ADPRHL1: variants seen among roughly 807,000 people sequenced by gnomAD.
ADPRHL1 encodes ADP-ribosylhydrolase like 1, also known as inactive ADP-ribosyltransferase ARH2.
ADPRHL1 carries 43 observed loss-of-function variants against 44.1 expected under a neutral mutation model. The observed-to-expected ratio is 0.98, with a 90% CI of 0.76 to 1.26. ADPRHL1 has a LOEUF of 1.26. Among genes scored for constraint, ADPRHL1 ranks in the 50% most tolerant of loss-of-function variants. The pLI, the probability that ADPRHL1 is intolerant of heterozygous loss-of-function variation, is 0.00. For synonymous variants in ADPRHL1, 878 were observed against 1,017.4 expected, an observed-to-expected ratio of 0.86 and a Z score of 2.61; for missense variants, 2,022 against 2,496.9, an observed-to-expected ratio of 0.81 and a Z score of 4.05.
chr13:113,440,946 A>G (rs1003934430), intron 2 of ADPRHL1, among the ~76,000 whole-genome samples: 3 of 152,008 alleles, frequency 2.0e-5, no homozygotes, highest in Admixed American at 2.0e-4. Flanking sequence ...TGAGGCCAGG[A>G]GTTTGAGGCC....
Position 113,406,163 on chromosome 13 carries a change from G to A in ADPRHL1, c.3119C>T (p.Thr1040Met), listed in dbSNP as rs886132142. ...CCCCTTGGATGATGCCGCCAGTGACGTGGGGGCTCCTGTTGGGTTTCTCCC... is the reference window on the plus strand; with the variant it reads ...CCCCTTGGATGATGCCGCCAGTGACATGGGGGCTCCTGTTGGGTTTCTCCC... ...PTGRNPTGAPTSLAASSKGRT... is the reference protein window; with the variant it reads ...PTGRNPTGAPMSLAASSKGRT... Residue 1040 changes from threonine (T) to methionine (M), a missense_variant, in exon 8 of 8, where the codon ACG (threonine) becomes ATG (methionine). Physicochemically the swap from Thr to Met is moderately conservative, Grantham distance 81 (BLOSUM62 -1). This residue lies in a region of ADPRHL1 where 1,221 missense variants were observed against 1,517.8 expected (regional missense o/e 0.80). Transcript: ENST00000612156. 1.5e-5 allele frequency: 18 copies of A among 1,232,032 alleles called. No homozygotes were observed. Among genetic ancestry groups the A allele is most frequent in the East Asian group, 3.2e-5 (1 of 31,716 alleles). The allele number at this position is 1,232,032 out of a possible 1,614,324, so 76.3% of individuals were successfully genotyped here. A position where few individuals can be genotyped will look rare whatever the true frequency, so the allele number is the denominator to read the frequency against.
intron 6 of ADPRHL1, among the ~76,000 whole-genome samples, chr13:113,423,821 T>G (rs2043943950): frequency 6.6e-6 from 1 of 152,200 alleles, no homozygotes; most frequent in South Asian, 2.1e-4. Context: ...AAGATGACGG[T>G]GACCTTGGAA....
Position 113,403,473 on chromosome 13 carries a change from A to T in ADPRHL1, c.5809T>A (p.Tyr1937Asn). The change falls in exon 8 of 8, where the codon TAC becomes AAC. Residue 1937 changes from tyrosine to asparagine, a missense_variant. By Grantham distance (143) the Tyr-to-Asn change is moderately radical. This residue lies in a region of ADPRHL1 where 205 missense variants were observed against 250.1 expected (regional missense o/e 0.82). Coordinates refer to ENST00000612156, the MANE Select transcript of ADPRHL1 (RefSeq NM_001394807.1). ...TGGTCACGGAAGCTCTGGGCTTTGTACTTGGCCAGGTGCCTGGACCTCCCG... is the reference window on the plus strand; with the variant it reads ...TGGTCACGGAAGCTCTGGGCTTTGTTCTTGGCCAGGTGCCTGGACCTCCCG... ...RRGRSRHLAK[Y>N]KAQSFRDQRA... 1 of 1,232,036 alleles carries T rather than the reference A, an allele frequency of 8.1e-7. No individual in the cohort carries two copies. The highest frequency in any genetic ancestry group is 3.1e-4 in the Middle Eastern group (1 of 3,212). The allele number at this position is 1,232,036 out of a possible 1,614,324, so 76.3% of individuals were successfully genotyped here.
Position 113,432,706 on chromosome 13 carries a change from C to T in ADPRHL1, c.505+1036G>A, listed in dbSNP as rs117521603. Among the ~76,000 whole-genome samples the T allele has an allele frequency of 1.5e-3, 231 of 150,774 alleles. 7 individuals are homozygous for T. The East Asian group carries it at 0.035, about 23-fold the overall frequency. ...GCAGAGCTGCGTGTTGATCGAAGGC[C>T]GGTTGCTCACCGCTGTTCTCACGGA... is the stretch of plus-strand genomic sequence containing the variant. On this transcript the variant is annotated intron_variant, in intron 3 of 7. Coordinates refer to ENST00000612156, the MANE Select transcript of ADPRHL1 (RefSeq NM_001394807.1).
At chr13:113,416,125 C>T (rs1006412547) in intron 7 of ADPRHL1, among the ~76,000 whole-genome samples, 4 of 151,194 alleles carry the variant, frequency 2.6e-5, no homozygotes, top group Admixed American at 6.6e-5. Flanking sequence ...CTAGTAAAGC[C>T]GAGAACAAGT....
chr13:113,403,163 C>T lies in ADPRHL1; in HGVS notation c.*215G>A, dbSNP rs1230919708. The stretch of plus-strand genomic sequence containing the variant: ...AGGCCACAGGCCCGCACCTCCCACC[C>T]CCATGGCCTCGTGGCTCTGTGGGGT... On this transcript the variant is annotated 3_prime_UTR_variant, in exon 8 of 8. Coordinates refer to ENST00000612156, the MANE Select transcript of ADPRHL1 (RefSeq NM_001394807.1). The T allele has an allele frequency of 2.6e-6, 1 of 391,042 alleles. No homozygotes were observed. 24.2% of individuals were successfully genotyped at this position (391,042 alleles called of 1,614,324 possible).
In ADPRHL1 at chr13:113,416,926, C is replaced by T. The variant is rs891505926; in HGVS notation, c.1061+5900G>A. Among the ~76,000 whole-genome samples, 4 of 152,184 alleles carry T rather than the reference C, an allele frequency of 2.6e-5. No homozygotes were observed. In the East Asian group the frequency reaches 7.7e-4, roughly 29 times the overall value. On this transcript the variant is annotated intron_variant, in intron 7 of 7. Transcript: ENST00000612156. ...GTGCGAGGGTGTGCGTGCGAATGCA[C>T]GAGTGTGTGCAGTGAGAGATGAGGG...
In ADPRHL1 at chr13:113,422,994, C is replaced by T; in HGVS notation, c.908-15G>A. 1 of 1,612,582 alleles carries T rather than the reference C, an allele frequency of 6.2e-7. No homozygotes were observed. The highest frequency in any genetic ancestry group is 8.5e-7 in the Non-Finnish European group (1 of 1,179,866). On this transcript the variant is annotated splice_polypyrimidine_tract_variant and intron_variant, in intron 6 of 7. Transcript: ENST00000612156. ...CGCGCTCTCCCCTGAAACGCAAAGG[C>T]AGCAGTTGCAGTGGGCTCCACCTGA... is the stretch of plus-strand genomic sequence containing the variant.
At chr13:113,419,002 T>TCCCTC (rs2043900488) in intron 7 of ADPRHL1, among the ~76,000 whole-genome samples, 4 of 34,176 alleles carry the variant, frequency 1.2e-4, no homozygotes, top group African/African-American at 2.1e-4. Context: ...CTCCCTCCCT[T>TCCCTC]CCTCCCTCCC....
intron 3 of ADPRHL1, among the ~76,000 whole-genome samples, chr13:113,433,188 G>A (rs4907641): frequency 0.49 from 74,189 of 152,050 alleles, 18,965 homozygotes; most frequent in East Asian, 0.7. Context: ...CCTGTGGCCC[G>A]TGGGGTGGAG....
At chr13:113,412,479 C>G (rs2043859679) in intron 7 of ADPRHL1, among the ~76,000 whole-genome samples, 1 of 152,258 alleles carries the variant, frequency 6.6e-6, no homozygotes, top group African/African-American at 2.4e-5. Context: ...CGCCCAGCCA[C>G]AGCTCTATAA....
chr13:113,403,279 G>A lies in ADPRHL1; in HGVS notation c.*99C>T. On this transcript the variant is annotated 3_prime_UTR_variant, in exon 8 of 8. Transcript: ENST00000612156. The stretch of plus-strand genomic sequence containing the variant: ...ATTATGGAAACAGGCGTCTCTGTAG[G>A]GGATGCTCCAAGACGCATTTGGAGG... The A allele has an allele frequency of 1.0e-6, 1 of 998,304 alleles. No homozygotes were observed. The highest frequency in any genetic ancestry group is 1.3e-6 in the Non-Finnish European group (1 of 775,446). 61.8% of individuals were successfully genotyped at this position (998,304 alleles called of 1,614,324 possible). A position where few individuals can be genotyped will look rare whatever the true frequency, so the allele number is the denominator to read the frequency against.
At chr13:113,413,894 T>C (rs2043873501) in intron 7 of ADPRHL1, among the ~76,000 whole-genome samples, 1 of 152,204 alleles carries the variant, frequency 6.6e-6, no homozygotes, top group African/African-American at 2.4e-5. Context: ...TGTTGGTGGC[T>C]CTGGCCAGCC....
intron 7 of ADPRHL1, among the ~76,000 whole-genome samples, chr13:113,410,942 G>T (rs1166587831): frequency 1.3e-5 from 2 of 152,222 alleles, no homozygotes; most frequent in African/African-American, 4.8e-5. Context: ...ACCCCAGGAG[G>T]CTGAACTTCT....
rs1371737437 is a variant in ADPRHL1, at chr13:113,402,278, A to C, written c.*1100T>G. ...TCGCGACACGGAGGTGCATGGCTCCATCATGGGGAAGAATGTGCTTTAAAA... is the reference window on the plus strand; with the variant it reads ...TCGCGACACGGAGGTGCATGGCTCCCTCATGGGGAAGAATGTGCTTTAAAA... On this transcript the variant is annotated 3_prime_UTR_variant, in exon 8 of 8. Coordinates refer to ENST00000612156, the MANE Select transcript of ADPRHL1 (RefSeq NM_001394807.1). 1 of 152,248 alleles carries C rather than the reference A, an allele frequency of 6.6e-6. No homozygotes were observed. Among genetic ancestry groups the C allele is most frequent in the Admixed American group, 6.5e-5 (1 of 15,282 alleles). 9.4% of individuals were successfully genotyped at this position (152,248 alleles called of 1,614,324 possible).
rs7338198 is a variant in ADPRHL1, at chr13:113,423,379, A to T, written c.908-400T>A. ...ACTAAGAGTCAGTGAGGTGCCAGGA[A>T]GGTGCAGAAGGAAGGCAGAGGGAGG... On this transcript the variant is annotated intron_variant, in intron 6 of 7. Transcript: ENST00000612156. Among the ~76,000 whole-genome samples, 327 of 152,170 alleles carry T rather than the reference A, an allele frequency of 2.1e-3. 1 individual carries two copies. The highest frequency in any genetic ancestry group is 6.8e-3 in the Admixed American group (104 of 15,296).
intron 4 of ADPRHL1, among the ~76,000 whole-genome samples, chr13:113,425,834 C>T (rs539530751): frequency 8.6e-4 from 131 of 152,226 alleles, no homozygotes; most frequent in South Asian, 1.7e-3. Flanking sequence ...GCACCCACCA[C>T]CACGCCCGGC....
In ADPRHL1 at chr13:113,409,812, C is replaced by T; in HGVS notation, c.1062-1592G>A. The T allele has an allele frequency of 1.4e-6, 1 of 733,034 alleles. No homozygotes were observed. The highest frequency in any genetic ancestry group is 1.7e-6 in the Non-Finnish European group (1 of 600,928). The allele number at this position is 733,034 out of a possible 1,614,324, so 45.4% of individuals were successfully genotyped here. A position where few individuals can be genotyped will look rare whatever the true frequency, so the allele number is the denominator to read the frequency against. ...GCTGAGGCAGGCGAATGGCGTGAAC[C>T]CAGGAGGCAGAGCTTGCAGTGAGCC... is the stretch of plus-strand genomic sequence containing the variant. On this transcript the variant is annotated intron_variant, in intron 7 of 7. Transcript: ENST00000612156. The surrounding 1 kb of genome is among the most constrained non-coding windows in gnomAD (Gnocchi z 4.2).
In ADPRHL1 at chr13:113,404,767, T is replaced by C; in HGVS notation, c.4515A>G (p.Gln1505=). 1 of 1,270,824 alleles carries C rather than the reference T, an allele frequency of 7.9e-7. No homozygotes were observed. The highest frequency in any genetic ancestry group is 9.9e-7 in the Non-Finnish European group (1 of 1,013,214). 78.7% of individuals were successfully genotyped at this position (1,270,824 alleles called of 1,614,324 possible). A position where few individuals can be genotyped will look rare whatever the true frequency, so the allele number is the denominator to read the frequency against. The change falls in exon 8 of 8, where the codon CAA becomes CAG. Residue 1505 remains glutamine, a synonymous_variant. Transcript: ENST00000612156. ...TCTGGGTCTGCCACTGGGCCTGTTC[T>C]TGAGCGTGTCCCTGAACCTGTCCCC... ...WDRGQVQGHA[Q]EQAQWQTQIE... is the part of the protein sequence containing the mutation.
Sources: allele counts gnomAD v4.1 joint callset (sites outside exome capture counted in the v4.1 genomes callset), GRCh38; gene constraint gnomAD v4.1.1; regional missense constraint gnomAD v4.1.1; non-coding constraint Gnocchi (gnomAD v3.1); transcripts MANE v1.5; gene names NCBI Gene and HGNC (gene_info 2026-07-23, HGNC 2026-07-21).